The following PPP1R12A variants were observed in gnomAD, a reference collection of about 807,000 sequenced individuals.
PPP1R12A encodes the protein myosin binding subunit.
PPP1R12A carries 19 observed loss-of-function variants against 139.6 expected under a neutral mutation model. The observed-to-expected ratio is 0.14, with a 90% CI of 0.09 to 0.20. The LOEUF is 0.20. Ranked by LOEUF, PPP1R12A falls within the 10% of genes least tolerant of loss-of-function variation. The pLI, the probability that PPP1R12A is intolerant of heterozygous loss-of-function variation, is 1.00. For synonymous variants in PPP1R12A, 427 were observed against 420.6 expected, an observed-to-expected ratio of 1.02 and a Z score of -0.19; for missense variants, 925 against 1,211.5, an observed-to-expected ratio of 0.76 and a Z score of 3.51.
chr12:79,896,184 A>C (rs1257182487), intron 1 of PPP1R12A, among the ~76,000 whole-genome samples: 6 of 152,120 alleles, frequency 3.9e-5, no homozygotes, highest in African/African-American at 1.4e-4. Context: ...GGTACAACAG[A>C]ATTTTTCAAA....
chr12:79,776,609 G>C (rs1472922390), intron 24 of PPP1R12A, among the ~76,000 whole-genome samples: 1 of 151,988 alleles, frequency 6.6e-6, no homozygotes, highest in Non-Finnish European at 1.5e-5. Flanking sequence ...AGTGCATCAT[G>C]TTTAAGCTAA....
At chr12:79,836,840 T>C (rs1565769093) in intron 3 of PPP1R12A, among the ~76,000 whole-genome samples, 1 of 152,194 alleles carries the variant, frequency 6.6e-6, no homozygotes, top group Admixed American at 6.5e-5. Context: ...AGAAAACAGA[T>C]ACTGAACCGA....
intron 11 of PPP1R12A, among the ~76,000 whole-genome samples, chr12:79,808,086 C>T (rs1874078726): frequency 1.3e-5 from 2 of 151,408 alleles, no homozygotes; most frequent in African/African-American, 4.8e-5. Context: ...AAATAAAATT[C>T]TATAAGCTGA....
rs921343633 is a variant in PPP1R12A, at chr12:79,935,007, G to C, written c.-76C>G. On this transcript the variant is annotated 5_prime_UTR_variant, in exon 1 of 25. Transcript: ENST00000450142. ...CGGAGAGGGAAGAGAGGGGAGGCAG[G>C]GGGTGTGTGAATGTTTCTATGAGTG... The C allele has an allele frequency of 3.2e-5, 48 of 1,487,930 alleles. No homozygotes were observed. The highest frequency in any genetic ancestry group is 3.7e-4 in the Middle Eastern group (2 of 5,434). 92.2% of individuals were successfully genotyped at this position (1,487,930 alleles called of 1,614,324 possible).
intron 2 of PPP1R12A, among the ~76,000 whole-genome samples, chr12:79,869,937 A>ATTATT (rs1882394494): frequency 2.3e-5 from 3 of 129,360 alleles, no homozygotes; most frequent in African/African-American, 7.6e-5. Context: ...TTATTATTAT[A>ATTATT]AGTGCTTTCT....
In PPP1R12A at chr12:79,774,352, C is replaced by CAAAGT. The variant is rs1869522307; in HGVS notation, c.*1572_*1576dup. On this transcript the variant is annotated 3_prime_UTR_variant, in exon 25 of 25. Transcript: ENST00000450142. ...TTACCAAAACACCCTTCCCCAACCC[C>CAAAGT]AAAGTAATCTAAAATAGGCAGTAGA... is the stretch of plus-strand genomic sequence containing the variant. The CAAAGT allele has an allele frequency of 6.6e-6, 1 of 152,450 alleles. No individual in the cohort carries two copies. Among genetic ancestry groups the CAAAGT allele is most frequent in the African/African-American group, 2.4e-5 (1 of 41,384 alleles). The allele number at this position is 152,450 out of a possible 1,614,324, so 9.4% of individuals were successfully genotyped here. A position where few individuals can be genotyped will look rare whatever the true frequency, so the allele number is the denominator to read the frequency against.
intron 17 of PPP1R12A, 77 bp downstream of exon 17, chr12:79,796,705 G>T (rs975423420): frequency 8.2e-7 from 1 of 1,216,378 alleles, no homozygotes; most frequent in South Asian, 1.7e-5. Flanking sequence ...CTTTACTGTT[G>T]AATTATTATT....
chr12:79,777,123 CAT>C (rs1341412726), intron 24 of PPP1R12A: 9 of 898,366 alleles, frequency 1.0e-5, no homozygotes, highest in South Asian at 5.2e-5. Context: ...TTTTGAAAAA[CAT>C]AATGCATGCT....
Position 79,788,769 on chromosome 12 carries a change from G to A in PPP1R12A, c.2681C>T (p.Ser894Phe), listed in dbSNP as rs1871420247. 2 of 1,606,632 alleles carry A rather than the reference G, an allele frequency of 1.2e-6. No homozygotes were observed. Among genetic ancestry groups the A allele is most frequent in the East Asian group, 2.2e-5 (1 of 44,606 alleles). The change falls in exon 21 of 25, where the codon TCT (serine) becomes TTT (phenylalanine). Residue 894 changes from serine (S) to phenylalanine (F), a missense_variant. Physicochemically the swap from Ser to Phe is radical, Grantham distance 155. Coordinates refer to ENST00000450142, the MANE Select transcript of PPP1R12A (RefSeq NM_002480.3). Reference protein sequence around the residue: ...TDSISRYETSSTSAGDRYDSL... With the variant: ...TDSISRYETSFTSAGDRYDSL... ...ATCATATCGATCACCAGCTGATGTA[G>A]AACTGGTTTCATATCTTCAAAAGAT...
intron 1 of PPP1R12A, among the ~76,000 whole-genome samples, chr12:79,912,272 C>G (rs947373263): frequency 1.3e-5 from 2 of 152,198 alleles, no homozygotes; most frequent in African/African-American, 4.8e-5. Context: ...ATTTTTCCTT[C>G]AAAATACTTA....
intron 9 of PPP1R12A, among the ~76,000 whole-genome samples, chr12:79,811,524 A>AT (rs1464661464): frequency 3.3e-5 from 5 of 152,234 alleles, no homozygotes; most frequent in African/African-American, 1.2e-4. Flanking sequence ...CACTGTGAAA[A>AT]AATCCTACCA....
chr12:79,935,258 C>A, upstream of PPP1R12A: 2 of 1,122,184 alleles, frequency 1.8e-6, no homozygotes, highest in Non-Finnish European at 1.1e-6. Context: ...GGCCTGTGCC[C>A]GCCCCAGGAA....
intron 9 of PPP1R12A, among the ~76,000 whole-genome samples, chr12:79,811,866 CA>C (rs1202041008): frequency 6.6e-6 from 1 of 151,986 alleles, no homozygotes; most frequent in Non-Finnish European, 1.5e-5. Context: ...AACAAAAAAA[CA>C]AACAAAAAAC....
chr12:79,860,928 T>C (rs1351604894), intron 2 of PPP1R12A, among the ~76,000 whole-genome samples: 1 of 152,164 alleles, frequency 6.6e-6, no homozygotes, highest in Admixed American at 6.5e-5. Flanking sequence ...TGAAGCAAAT[T>C]AGTAATTACG....
At chr12:79,924,368 C>T (rs1887672442) in intron 1 of PPP1R12A, among the ~76,000 whole-genome samples, 1 of 152,138 alleles carries the variant, frequency 6.6e-6, no homozygotes, top group Non-Finnish European at 1.5e-5. Flanking sequence ...ATTAAAATAT[C>T]TTTGAGAAAA....
intron 1 of PPP1R12A, among the ~76,000 whole-genome samples, chr12:79,895,202 C>CAA (rs796342415): frequency 4.6e-5 from 7 of 152,100 alleles, no homozygotes; most frequent in African/African-American, 1.7e-4. Context: ...CAAGTAATGT[C>CAA]AAAACTGACT....
At chr12:79,905,361 T>C (rs1886019443) in intron 1 of PPP1R12A, among the ~76,000 whole-genome samples, 1 of 118,310 alleles carries the variant, frequency 8.5e-6, no homozygotes, top group South Asian at 3.0e-4. Flanking sequence ...CCCTTTTTTT[T>C]TGAAGGAGAG....
intron 1 of PPP1R12A, among the ~76,000 whole-genome samples, chr12:79,930,690 C>A (rs937869017): frequency 2.0e-5 from 3 of 151,926 alleles, no homozygotes; most frequent in Non-Finnish European, 4.4e-5. Context: ...GAGAATCGCT[C>A]GAATCCGGGA....
chr12:79,909,514 A>C (rs1254506409), intron 1 of PPP1R12A, among the ~76,000 whole-genome samples: 1 of 152,028 alleles, frequency 6.6e-6, no homozygotes, highest in Non-Finnish European at 1.5e-5. Context: ...AGGTGAGCAG[A>C]TCTCGAGGTC....
Sources: gnomAD v4.1 joint callset for allele counts (sites outside exome capture counted in the v4.1 genomes callset) on GRCh38, gnomAD v4.1.1 for gene constraint, MANE v1.5 for transcripts, NCBI Gene and HGNC (gene_info 2026-07-23, HGNC 2026-07-21) for gene names.